Variants in MOXD1 observed in about 807,000 individuals in gnomAD.
The protein encoded by MOXD1 is monooxygenase DBH like 1.
In MOXD1, 62 loss-of-function variants were observed where a neutral mutation model predicts 66.6. The observed-to-expected ratio is 0.93, with a 90% confidence interval of 0.76 to 1.15. MOXD1 has a LOEUF of 1.15. Ranked by LOEUF, MOXD1 falls within the 50% of genes most tolerant of loss-of-function variation. MOXD1 has a pLI of 0.00. For synonymous variants in MOXD1, 303 were observed against 281.9 expected (o/e 1.07, Z -0.75); for missense variants, 847 against 754.6 (o/e 1.12, Z -1.44).
intron 1 of MOXD1, among the ~76,000 whole-genome samples, chr6:132,380,105 G>T (rs1776479438): frequency 1.3e-5 from 2 of 152,018 alleles, no homozygotes; most frequent in South Asian, 4.1e-4. Context: ...CATAGCCCCT[G>T]CTTCTATCAA....
At chr6:132,366,497 G>A (rs1041306708) in intron 4 of MOXD1, among the ~76,000 whole-genome samples, 7 of 148,506 alleles carry the variant, frequency 4.7e-5, no homozygotes, top group African/African-American at 7.4e-5. Context: ...TGTTTCCATC[G>A]GGGGAAAAAC....
At position 132,296,940 on chromosome 6, in the gene MOXD1, G is replaced by A. The variant is rs984893811; in HGVS notation, c.*213C>T. Reference sequence around the variant, plus strand: ...TAAGTCAGGCCAGTTTTATTTTATTGACCATGTATATATAACATCAGATAT... The same window carrying A: ...TAAGTCAGGCCAGTTTTATTTTATTAACCATGTATATATAACATCAGATAT... On this transcript the variant is annotated 3_prime_UTR_variant, in exon 12 of 12. Coordinates refer to ENST00000367963, the MANE Select transcript of MOXD1 (RefSeq NM_015529.4). The A allele has an allele frequency of 7.1e-5, 28 of 392,674 alleles. No individual in the cohort carries two copies. The highest frequency in any genetic ancestry group is 2.0e-4 in the Admixed American group (5 of 24,716). The allele number at this position is 392,674 out of a possible 1,614,324, so 24.3% of individuals were successfully genotyped here. A position where few individuals can be genotyped will look rare whatever the true frequency, so the allele number is the denominator to read the frequency against.
intron 9 of MOXD1, among the ~76,000 whole-genome samples, chr6:132,319,190 A>G (rs1457757138): frequency 3.3e-5 from 5 of 152,042 alleles, no homozygotes; most frequent in African/African-American, 9.7e-5. Flanking sequence ...AAGCTAAAAC[A>G]GCAAAATGTT....
At chr6:132,307,638 A>G (rs893447204) in intron 10 of MOXD1, among the ~76,000 whole-genome samples, 5 of 152,218 alleles carry the variant, frequency 3.3e-5, no homozygotes, top group African/African-American at 1.2e-4. Context: ...TTCTCGGCAA[A>G]TGCAAAAGAA....
chr6:132,372,251 G>A (rs9388987), intron 4 of MOXD1, among the ~76,000 whole-genome samples: 1 of 152,044 alleles, frequency 6.6e-6, no homozygotes, highest in Non-Finnish European at 1.5e-5. Flanking sequence ...CTATTGGTGA[G>A]GAATGTAACC....
intron 6 of MOXD1, 123 bp from the exon 7 acceptor site, chr6:132,324,220 CCATAAACTGT>C: frequency 2.1e-6 from 2 of 974,934 alleles, no homozygotes; most frequent in African/African-American, 1.7e-5. Flanking sequence ...TATTTATTTT[CCATAAACTGT>C]CATGAGGGAA....
intron 10 of MOXD1, among the ~76,000 whole-genome samples, chr6:132,309,892 A>G (rs777080895): frequency 6.6e-6 from 1 of 152,244 alleles, no homozygotes; most frequent in Non-Finnish European, 1.5e-5. Flanking sequence ...TGCAAACCAT[A>G]GAAACCCTAG....
At chr6:132,302,069 G>A (rs1267495790) in intron 10 of MOXD1, among the ~76,000 whole-genome samples, 2 of 152,174 alleles carry the variant, frequency 1.3e-5, no homozygotes, top group Non-Finnish European at 2.9e-5. Flanking sequence ...TTTGTATAAG[G>A]ATCCTCTGAG....
chr6:132,349,004 AC>A (rs1283591543), intron 4 of MOXD1, among the ~76,000 whole-genome samples: 3 of 151,838 alleles, frequency 2.0e-5, no homozygotes, highest in African/African-American at 7.3e-5. Context: ...TCCAAGGGTT[AC>A]GGGGGCACAG....
At chr6:132,331,862 G>T (rs746342442) in intron 4 of MOXD1, among the ~76,000 whole-genome samples, 1 of 152,092 alleles carries the variant, frequency 6.6e-6, no homozygotes, top group African/African-American at 2.4e-5. Context: ...AGTTGCTGCC[G>T]GTGGGAGGGA....
intron 10 of MOXD1, 134 bp downstream of exon 10, chr6:132,315,501 C>G (rs1316484516): frequency 9.5e-7 from 1 of 1,055,646 alleles, no homozygotes; most frequent in Admixed American, 2.6e-5. Context: ...ACTTGGTCTC[C>G]CCAGTTAAAA....
At position 132,366,198 on chromosome 6, in the gene MOXD1, T is replaced by C. The variant is rs536044767; in HGVS notation, c.663+6410A>G. ...TTTCACGTAAGATAGATTATGAAAGTTAATTTATTTCAACATGAATCTAGC... is the reference window on the plus strand; with the variant it reads ...TTTCACGTAAGATAGATTATGAAAGCTAATTTATTTCAACATGAATCTAGC... On this transcript the variant is annotated intron_variant, in intron 4 of 11. Transcript: ENST00000367963. 2.0e-5 allele frequency among the ~76,000 whole-genome samples: 3 copies of C among 152,168 alleles called. No homozygotes were observed. In the South Asian group the frequency reaches 6.2e-4, roughly 31 times the overall value.
chr6:132,391,909 G>C (rs1776773360), intron 1 of MOXD1: 1 of 270,216 alleles, frequency 3.7e-6, no homozygotes. Flanking sequence ...ATCATCCTGT[G>C]TTCCAGCATT....
chr6:132,384,940 G>A (rs1327663931), intron 1 of MOXD1, among the ~76,000 whole-genome samples: 1 of 152,204 alleles, frequency 6.6e-6, no homozygotes, highest in African/African-American at 2.4e-5. Flanking sequence ...GAAGGAATAG[G>A]AATGGTAGTT....
intron 6 of MOXD1, among the ~76,000 whole-genome samples, chr6:132,324,706 TGTC>T: frequency 6.6e-6 from 1 of 152,294 alleles, no homozygotes; most frequent in East Asian, 1.9e-4. Context: ...AAGACACACT[TGTC>T]GTTATGAAAT....
At chr6:132,356,819 T>C (rs1157691980) in intron 4 of MOXD1, among the ~76,000 whole-genome samples, 1 of 152,140 alleles carries the variant, frequency 6.6e-6, no homozygotes, top group Non-Finnish European at 1.5e-5. Context: ...AAAAAAATCC[T>C]ATATAAATGT....
At chr6:132,327,833 A>G (rs1427250275) in intron 6 of MOXD1, among the ~76,000 whole-genome samples, 180 bp downstream of exon 6, 1 of 152,156 alleles carries the variant, frequency 6.6e-6, no homozygotes, top group Non-Finnish European at 1.5e-5. Context: ...GCCTGCTGTT[A>G]CAGTATAATT....
At chr6:132,328,331 C>A in intron 5 of MOXD1, 84 bp downstream of exon 5, 1 of 1,515,232 alleles carries the variant, frequency 6.6e-7, no homozygotes, top group Admixed American at 1.9e-5. Flanking sequence ...TAAAGCTTTA[C>A]TTCTAAGTAT....
chr6:132,317,795 C>T (rs1774991096), intron 9 of MOXD1, among the ~76,000 whole-genome samples: 1 of 152,098 alleles, frequency 6.6e-6, no homozygotes, highest in South Asian at 2.1e-4. Context: ...CAGCTTCTAT[C>T]CCTCTTCTTC....
Sources: gnomAD v4.1 joint callset for allele counts (sites outside exome capture counted in the v4.1 genomes callset) on GRCh38, gnomAD v4.1.1 for gene constraint, MANE v1.5 for transcripts, NCBI Gene and HGNC (gene_info 2026-07-23, HGNC 2026-07-21) for gene names.